Variants in GAB1 observed in about 807,000 individuals in gnomAD.
The protein encoded by GAB1 is GRB2-associated-binding protein 1.
A neutral mutation model predicts 66.5 loss-of-function variants in GAB1; 19 were observed. The observed-to-expected ratio is 0.29, with a 90% CI of 0.20 to 0.42. The LOEUF is 0.42. Among genes scored for constraint, GAB1 ranks in the 10% least tolerant of loss-of-function variants. The pLI is 1.00. For synonymous variants in GAB1, 294 were observed against 301.4 expected (o/e 0.98, Z 0.25); for missense variants, 732 against 858.5 (o/e 0.85, Z 1.84).
intron 1 of GAB1, among the ~76,000 whole-genome samples, chr4:143,351,059 A>G (rs949258164): frequency 2.0e-4 from 31 of 152,298 alleles, no homozygotes; most frequent in Admixed American, 2.0e-3. Flanking sequence ...CGCAGTGTCT[A>G]GGGGTGAAAG....
chr4:143,425,607 A>G (rs1217448346), intron 2 of GAB1: 2 of 762,308 alleles, frequency 2.6e-6, no homozygotes, highest in Non-Finnish European at 4.8e-6. Flanking sequence ...GCGTGGCACC[A>G]TTTCCCGTGA....
intron 2 of GAB1, among the ~76,000 whole-genome samples, chr4:143,417,035 G>T (rs182413601): frequency 6.6e-6 from 1 of 152,168 alleles, no homozygotes; most frequent in African/African-American, 2.4e-5. Flanking sequence ...CTTAGCACAG[G>T]TCCTACAAGG....
chr4:143,352,654 T>G (rs1028177130), intron 1 of GAB1, among the ~76,000 whole-genome samples: 1 of 152,180 alleles, frequency 6.6e-6, no homozygotes, highest in Non-Finnish European at 1.5e-5. Flanking sequence ...TCCAGAAAAC[T>G]GCAGTTTCTA....
At chr4:143,387,079 G>C (rs1452894939) in intron 1 of GAB1, among the ~76,000 whole-genome samples, 1 of 152,172 alleles carries the variant, frequency 6.6e-6, no homozygotes, top group African/African-American at 2.4e-5. Context: ...AGGCATACTA[G>C]TGGCCCATGG....
chr4:143,344,270 G>C (rs545638214), intron 1 of GAB1, among the ~76,000 whole-genome samples: 11 of 152,132 alleles, frequency 7.2e-5, no homozygotes, highest in African/African-American at 1.7e-4. Context: ...CTCGTGTTGG[G>C]GGGGAGAGAA....
intron 1 of GAB1, among the ~76,000 whole-genome samples, chr4:143,368,946 G>A (rs115292840): frequency 0.021 from 3,142 of 151,800 alleles, 99 homozygotes; most frequent in African/African-American, 0.072. Context: ...CACCACACCC[G>A]GCCAATTTTT....
chr4:143,439,769 G>A (rs766413500), intron 4 of GAB1, 33 bp from the exon 5 acceptor site: 18 of 1,479,936 alleles, frequency 1.2e-5, no homozygotes, highest in Non-Finnish European at 1.7e-5. Flanking sequence ...GCAAAGATGG[G>A]AATAAATGTT....
chr4:143,456,286 C>T (rs1050360616), intron 6 of GAB1, among the ~76,000 whole-genome samples: 85 of 152,070 alleles, frequency 5.6e-4, no homozygotes, highest in South Asian at 4.2e-4. Flanking sequence ...TGAAACCCCA[C>T]CTCTACTAAA....
At chr4:143,402,169 G>A (rs1027908211) in intron 1 of GAB1, among the ~76,000 whole-genome samples, 2 of 151,968 alleles carry the variant, frequency 1.3e-5, no homozygotes, top group African/African-American at 2.4e-5. Flanking sequence ...GAATAACTTC[G>A]CATAAATTAT....
intron 1 of GAB1, among the ~76,000 whole-genome samples, chr4:143,405,365 C>T (rs1419945531): frequency 1.3e-5 from 2 of 152,142 alleles, no homozygotes; most frequent in Non-Finnish European, 1.5e-5. Context: ...CATATTGGCA[C>T]GGTTTCAGTC....
rs188042590 is a variant in GAB1 at position 143,345,820 on chromosome 4, G to A, written c.72+8560G>A. ...GGTAAATGTAATTTAAGTTAAGCAA[G>A]TTTCACATTTGCTTTTGTGAAACGA... On this transcript the variant is annotated intron_variant, in intron 1 of 9. Transcript: ENST00000262994. 5.6e-4 allele frequency among the ~76,000 whole-genome samples: 85 copies of A among 152,314 alleles called. 1 individual carries two copies. Among genetic ancestry groups the A allele is most frequent in the African/African-American group, 1.9e-3 (78 of 41,558 alleles).
intron 2 of GAB1, among the ~76,000 whole-genome samples, chr4:143,429,654 C>T (rs2149740882): frequency 6.6e-6 from 1 of 150,832 alleles, no homozygotes; most frequent in Non-Finnish European, 1.5e-5. Flanking sequence ...GCCAATTTTC[C>T]CAAGGGGCTG....
At chr4:143,354,144 C>G (rs1213572641) in intron 1 of GAB1, among the ~76,000 whole-genome samples, 1 of 152,186 alleles carries the variant, frequency 6.6e-6, no homozygotes, top group Non-Finnish European at 1.5e-5. Context: ...GACTTGTACC[C>G]TGCACTTTGA....
intron 1 of GAB1, among the ~76,000 whole-genome samples, chr4:143,342,249 G>A (rs1299643399): frequency 6.6e-6 from 1 of 152,172 alleles, no homozygotes; most frequent in Admixed American, 6.5e-5. Context: ...TTACTGTTAG[G>A]AAGGTGCATT....
intron 1 of GAB1, among the ~76,000 whole-genome samples, chr4:143,384,461 A>C (rs1325888653): frequency 6.6e-6 from 1 of 152,224 alleles, no homozygotes; most frequent in South Asian, 2.1e-4. Flanking sequence ...TGGCTGTGCT[A>C]TAATTTCAGG....
At chr4:143,440,042 GTT>G in intron 5 of GAB1, 35 bp from the exon 6 acceptor site, 1 of 1,567,500 alleles carries the variant, frequency 6.4e-7, no homozygotes, top group Non-Finnish European at 8.7e-7. Flanking sequence ...TGTGACAAGA[GTT>G]TTTGTTTATT....
At chr4:143,396,011 G>A (rs1175631131) in intron 1 of GAB1, 1 of 455,800 alleles carries the variant, frequency 2.2e-6, no homozygotes, top group Non-Finnish European at 4.4e-6. Context: ...TCCAGCAGAG[G>A]GGACCCAGGA....
chr4:143,354,010 C>A (rs536481812), intron 1 of GAB1, among the ~76,000 whole-genome samples: 21 of 152,228 alleles, frequency 1.4e-4, no homozygotes, highest in African/African-American at 5.1e-4. Context: ...CACTGAGAGT[C>A]CGAGTAAGTT....
chr4:143,337,285 C>T (rs1312513158), intron 1 of GAB1, 25 bp downstream of exon 1: 3 of 1,557,296 alleles, frequency 1.9e-6, no homozygotes, highest in South Asian at 1.2e-5. Context: ...GGGCACCACT[C>T]CGCGGGCCTC....
Sources: gnomAD v4.1 joint callset for allele counts (sites outside exome capture counted in the v4.1 genomes callset) on GRCh38, gnomAD v4.1.1 for gene constraint, MANE v1.5 for transcripts, NCBI Gene and HGNC (gene_info 2026-07-23, HGNC 2026-07-21) for gene names.